Variants in CHCHD3 observed in about 807,000 individuals in gnomAD.
CHCHD3 encodes the protein coiled-coil-helix-coiled-coil-helix domain containing 3, also known as MICOS complex subunit MIC19.
In CHCHD3, 20 loss-of-function variants were observed where a neutral mutation model predicts 38.2. That is an observed-to-expected ratio of 0.52 (90% CI 0.37 to 0.76). CHCHD3 has a LOEUF of 0.76. Ranked by LOEUF, CHCHD3 falls within the 30% of genes least tolerant of loss-of-function variation. The pLI is 0.00. For missense variants in CHCHD3, 245 were observed against 279.2 expected, an observed-to-expected ratio of 0.88 and a Z score of 0.87; for synonymous variants, 82 against 100.0, an observed-to-expected ratio of 0.82 and a Z score of 1.07.
At chr7:132,830,539 T>G (rs889021712) in intron 6 of CHCHD3, among the ~76,000 whole-genome samples, 1 of 152,206 alleles carries the variant, frequency 6.6e-6, no homozygotes, top group Non-Finnish European at 1.5e-5. Context: ...ATTTTATAGA[T>G]GGAAGACACA....
intron 3 of CHCHD3, among the ~76,000 whole-genome samples, chr7:132,984,906 T>C (rs1292729894): frequency 1.4e-4 from 11 of 77,340 alleles, no homozygotes; most frequent in Admixed American, 2.6e-4. Context: ...GGTGGGGGGG[T>C]CAGCCCCCCG....
chr7:132,991,804 G>A (rs551698847), intron 3 of CHCHD3, among the ~76,000 whole-genome samples: 40 of 152,066 alleles, frequency 2.6e-4, no homozygotes, highest in Non-Finnish European at 4.3e-4. Flanking sequence ...AGCACTTTAT[G>A]AGACAATCCT....
At chr7:132,801,183 TGAAG>T (rs1463962772) in intron 6 of CHCHD3, among the ~76,000 whole-genome samples, 2 of 152,206 alleles carry the variant, frequency 1.3e-5, no homozygotes, top group Admixed American at 6.5e-5. Context: ...AAATGCAATA[TGAAG>T]GAAGAAAATA....
At chr7:132,814,050 C>T (rs1352428558) in intron 6 of CHCHD3, among the ~76,000 whole-genome samples, 2 of 152,190 alleles carry the variant, frequency 1.3e-5, no homozygotes, top group Admixed American at 1.3e-4. Context: ...GGGAACTCAA[C>T]AGAATTGATG....
chr7:133,047,869 C>A (rs1352009576), intron 2 of CHCHD3, among the ~76,000 whole-genome samples: 1 of 152,046 alleles, frequency 6.6e-6, no homozygotes. Flanking sequence ...GGGCAGATCA[C>A]CAGAGGTCGG....
At chr7:132,794,482 C>G (rs1407640536) in intron 7 of CHCHD3, among the ~76,000 whole-genome samples, 1 of 152,046 alleles carries the variant, frequency 6.6e-6, no homozygotes, top group Non-Finnish European at 1.5e-5. Flanking sequence ...TAACTACTGC[C>G]GAAATGTAAG....
chr7:132,916,421 T>A (rs1389666385), intron 4 of CHCHD3, among the ~76,000 whole-genome samples: 1 of 152,220 alleles, frequency 6.6e-6, no homozygotes, highest in Non-Finnish European at 1.5e-5. Context: ...GGTAGAAAAT[T>A]ACAGTAGTTC....
chr7:132,820,538 T>G (rs1181431049), intron 6 of CHCHD3, among the ~76,000 whole-genome samples: 1 of 151,960 alleles, frequency 6.6e-6, no homozygotes, highest in Non-Finnish European at 1.5e-5. Flanking sequence ...TGTGATTGAG[T>G]TAGCCCAGGC....
intron 6 of CHCHD3, among the ~76,000 whole-genome samples, chr7:132,815,921 G>C (rs73160279): frequency 4.6e-5 from 7 of 152,346 alleles, no homozygotes; most frequent in Non-Finnish European, 8.8e-5. Flanking sequence ...CTTTCAGGCT[G>C]AGTCTGTCAT....
intron 2 of CHCHD3, among the ~76,000 whole-genome samples, chr7:133,066,081 T>C (rs1446641306): frequency 6.6e-6 from 1 of 152,176 alleles, no homozygotes; most frequent in Admixed American, 6.5e-5. Flanking sequence ...TCCAATATGG[T>C]AGTCAAAAGC....
intron 2 of CHCHD3, among the ~76,000 whole-genome samples, chr7:133,060,429 A>T (rs1334836386): frequency 6.6e-6 from 1 of 152,214 alleles, no homozygotes; most frequent in Non-Finnish European, 1.5e-5. Context: ...CCACAGGCCC[A>T]CACAGGTGGG....
rs567642639 is a variant in CHCHD3, at chr7:132,843,242, C to A, written c.454-4773G>T. ...AGCGCTTGGTTCAAGGTCTATGGAC[C>A]ACCTGCTTCAGAGTCACTTATGGAG... On this transcript the variant is annotated intron_variant, in intron 5 of 7. Transcript: ENST00000262570. Among the ~76,000 whole-genome samples the A allele has an allele frequency of 3.9e-5, 6 of 152,060 alleles. No homozygotes were observed. In the East Asian group the frequency reaches 1.2e-3, roughly 30 times the overall value.
intron 4 of CHCHD3, among the ~76,000 whole-genome samples, chr7:132,968,052 C>T (rs1002633316): frequency 1.3e-5 from 2 of 152,174 alleles, no homozygotes; most frequent in Non-Finnish European, 2.9e-5. Flanking sequence ...CAGTAGCAAA[C>T]ATACCTAAAG....
chr7:132,871,983 C>G (rs181285579), intron 5 of CHCHD3, among the ~76,000 whole-genome samples: 2 of 152,288 alleles, frequency 1.3e-5, no homozygotes, highest in Admixed American at 1.3e-4. Flanking sequence ...GCAGAGCAAT[C>G]TGCAGAGAGA....
chr7:133,073,926 C>G (rs1293450528), intron 1 of CHCHD3, among the ~76,000 whole-genome samples: 4 of 152,162 alleles, frequency 2.6e-5, no homozygotes, highest in Admixed American at 2.0e-4. Context: ...TTTACACACG[C>G]CTACATTGCC....
At chr7:133,077,418 G>A (rs1191502481) in intron 1 of CHCHD3, among the ~76,000 whole-genome samples, 2 of 152,186 alleles carry the variant, frequency 1.3e-5, no homozygotes, top group Non-Finnish European at 2.9e-5. Context: ...CCCAAAGCAT[G>A]AGTTACGTTC....
intron 4 of CHCHD3, among the ~76,000 whole-genome samples, chr7:132,933,110 TTAGA>T (rs1810553208): frequency 6.6e-6 from 1 of 152,202 alleles, no homozygotes; most frequent in Admixed American, 6.5e-5. Context: ...CCGTTCTGAG[TTAGA>T]TGAAAACAAC....
chr7:133,052,147 C>T (rs180887732), intron 2 of CHCHD3: 1 of 152,352 alleles, frequency 6.6e-6, no homozygotes, highest in East Asian at 1.9e-4. Context: ...CCCATGGTGA[C>T]TCAGGGCTGG....
chr7:132,907,510 G>A (rs749831994), intron 4 of CHCHD3, among the ~76,000 whole-genome samples: 2 of 152,060 alleles, frequency 1.3e-5, no homozygotes, highest in Non-Finnish European at 2.9e-5. Flanking sequence ...GCAAGAAAGG[G>A]GACAAGAAAC....
Sources: allele counts gnomAD v4.1 joint callset (sites outside exome capture counted in the v4.1 genomes callset), GRCh38; gene constraint gnomAD v4.1.1; transcripts MANE v1.5; gene names NCBI Gene and HGNC (gene_info 2026-07-23, HGNC 2026-07-21).